The following KIAA0232 variants were observed in gnomAD, a reference collection of about 807,000 sequenced individuals.
The protein encoded by KIAA0232 is KIAA0232, also known as uncharacterized protein KIAA0232.
In KIAA0232, 27 loss-of-function variants were observed where a neutral mutation model predicts 122.0. The observed-to-expected ratio is 0.22, with a 90% CI of 0.16 to 0.31. The LOEUF is 0.31. Among genes scored for constraint, KIAA0232 ranks in the 10% least tolerant of loss-of-function variants. The pLI is 1.00. For missense variants in KIAA0232, 1,551 were observed against 1,634.2 expected (o/e 0.95, Z 0.88); for synonymous variants, 613 against 587.6 (o/e 1.04, Z -0.63).
At chr4:6,785,796 A>G (rs1365459503) in intron 1 of KIAA0232, among the ~76,000 whole-genome samples, 1 of 152,174 alleles carries the variant, frequency 6.6e-6, no homozygotes, top group African/African-American at 2.4e-5. Context: ...GCCCCCAGTC[A>G]TCTCTGTACT....
At chr4:6,834,462 A>C (rs763663286) in intron 3 of KIAA0232, among the ~76,000 whole-genome samples, 9 of 152,194 alleles carry the variant, frequency 5.9e-5, no homozygotes, top group Non-Finnish European at 2.9e-5. Flanking sequence ...TTTCCTATTA[A>C]CTACTCCTCT....
chr4:6,876,245 G>C (rs1246449270), intron 8 of KIAA0232, among the ~76,000 whole-genome samples: 1 of 152,138 alleles, frequency 6.6e-6, no homozygotes, highest in Non-Finnish European at 1.5e-5. Flanking sequence ...TTGTTCCTCT[G>C]TCCTATGAAC....
chr4:6,861,322 A>G lies in KIAA0232; in HGVS notation c.940A>G (p.Lys314Glu). 2 of 1,614,162 alleles carry G rather than the reference A, an allele frequency of 1.2e-6. No homozygotes were observed. The highest frequency in any genetic ancestry group is 1.7e-6 in the Non-Finnish European group (2 of 1,180,030). ...GELKASMKYV[K>E]VRHKAREIRN... Reference sequence around the variant, plus strand: ...ATTAAAAGCATCCATGAAGTATGTTAAAGTAAGACACAAGGCACGAGAGAT... The same window carrying G: ...ATTAAAAGCATCCATGAAGTATGTTGAAGTAAGACACAAGGCACGAGAGAT... Residue 314 changes from lysine (K) to glutamate (E), a missense_variant, in exon 7 of 10, where the codon AAA becomes GAA. Physicochemically the swap from Lys to Glu is moderately conservative, Grantham distance 56. Around this residue, in one of 5 missense-constraint regions of KIAA0232, gnomAD observed 377 missense variants for 381.7 expected, o/e 0.99. Transcript: ENST00000307659.
intron 2 of KIAA0232, among the ~76,000 whole-genome samples, chr4:6,808,245 C>T (rs183790311): frequency 2.4e-4 from 36 of 151,782 alleles, no homozygotes; most frequent in Middle Eastern, 3.4e-3. Context: ...ATGCTCTTTT[C>T]TATATTCTTT....
chr4:6,866,168 A>G (rs886602112), intron 7 of KIAA0232: 1 of 922,208 alleles, frequency 1.1e-6, no homozygotes, highest in Non-Finnish European at 1.3e-6. Flanking sequence ...TCCTTTATGT[A>G]CTTTGTATTT....
Position 6,861,766 on chromosome 4 carries a change from G to A in KIAA0232, c.1384G>A (p.Ala462Thr). The change falls in exon 7 of 10, where the codon GCA becomes ACA. Residue 462 changes from alanine (A) to threonine (T), a missense_variant. Ala to Thr is a moderately conservative substitution (Grantham distance 58). Coordinates refer to ENST00000307659, the MANE Select transcript of KIAA0232 (RefSeq NM_014743.3). ...TAATCTTCATAAAACATACCTCGCA[G>A]CAGGTACTTTCATTGATGGTCATTT... The part of the protein sequence containing the change: ...NNNLHKTYLA[A>T]GTFIDGHFVE... 6.2e-7 allele frequency: 1 copy of A among 1,614,164 alleles called. No homozygotes were observed. Among genetic ancestry groups the A allele is most frequent in the South Asian group, 1.1e-5 (1 of 91,080 alleles).
intron 3 of KIAA0232, among the ~76,000 whole-genome samples, chr4:6,834,075 A>G (rs1016043499): frequency 6.6e-6 from 1 of 151,874 alleles, no homozygotes; most frequent in Non-Finnish European, 1.5e-5. Flanking sequence ...TCTGTGCCTG[A>G]CTCTCCATTT....
At chr4:6,871,540 T>G (rs1380916930) in intron 7 of KIAA0232, 34 bp from the exon 8 acceptor site, 5 of 1,249,876 alleles carry the variant, frequency 4.0e-6, no homozygotes, top group Non-Finnish European at 5.8e-6. Context: ...TGAAAGTTTA[T>G]AAACTTTTTC....
intron 3 of KIAA0232, among the ~76,000 whole-genome samples, chr4:6,829,363 A>T (rs941622894): frequency 6.6e-6 from 1 of 152,162 alleles, no homozygotes; most frequent in Non-Finnish European, 1.5e-5. Context: ...GGAGACTTTG[A>T]TACTTTTACC....
chr4:6,831,183 G>C (rs377187292), intron 3 of KIAA0232, among the ~76,000 whole-genome samples: 3 of 152,090 alleles, frequency 2.0e-5, no homozygotes, highest in Non-Finnish European at 4.4e-5. Context: ...AGCCTCCCAA[G>C]TAGCTGGGAT....
chr4:6,815,954 ACT>A (rs553374492), intron 2 of KIAA0232, among the ~76,000 whole-genome samples: 158 of 152,266 alleles, frequency 1.0e-3, no homozygotes, highest in African/African-American at 3.4e-3. Flanking sequence ...ATAAATGTGA[ACT>A]CTCTATCGAC....
intron 1 of KIAA0232, among the ~76,000 whole-genome samples, chr4:6,795,065 C>T (rs1488046496): frequency 6.7e-6 from 1 of 148,168 alleles, no homozygotes; most frequent in Admixed American, 6.6e-5. Flanking sequence ...CCACAAGCCA[C>T]ATGTTTTGTT....
rs1356510758 is a variant in KIAA0232 at position 6,863,434 on chromosome 4, C to A, written c.3052C>A (p.His1018Asn). ...GLNKGFSFIFHEDLLGACGNF... is the reference protein window; with the variant it reads ...GLNKGFSFIFNEDLLGACGNF... ...AAATAAGGGATTTTCTTTTATCTTC[C>A]ATGAAGACTTACTAGGAGCTTGTGG... Residue 1018 changes from histidine (H) to asparagine (N), a missense_variant, in exon 7 of 10, where the codon CAT (histidine) becomes AAT (asparagine). Transcript: ENST00000307659. The A allele has an allele frequency of 6.2e-7, 1 of 1,614,062 alleles. No homozygotes were observed. The highest frequency in any genetic ancestry group is 1.1e-5 in the South Asian group (1 of 91,066).
intron 6 of KIAA0232, among the ~76,000 whole-genome samples, chr4:6,860,330 A>C (rs1178587525): frequency 6.6e-6 from 1 of 152,244 alleles, no homozygotes; most frequent in Admixed American, 6.5e-5. Flanking sequence ...TCACACAGCT[A>C]GTAAAGCAGG....
rs765924038 is a variant in KIAA0232 at position 6,861,426 on chromosome 4, T to C, written c.1044T>C (p.Thr348=). The C allele has an allele frequency of 8.1e-6, 13 of 1,614,162 alleles. No homozygotes were observed. The South Asian group carries it at 1.3e-4, about 16-fold the overall frequency. ...HGEKAERNIH[T]GSSSSSSSGS... ...AAAAGGCTGAAAGGAACATTCATAC[T>C]GGAAGTAGTAGCAGTAGCAGCAGTG... Residue 348 remains threonine, a synonymous_variant, in exon 7 of 10, where the codon ACT becomes ACC. Transcript: ENST00000307659.
chr4:6,785,113 A>G (rs890296933), intron 1 of KIAA0232, among the ~76,000 whole-genome samples: 4 of 152,000 alleles, frequency 2.6e-5, no homozygotes, highest in Admixed American at 2.6e-4. Context: ...AATTTTTTGC[A>G]TTTTTAGTAG....
intron 1 of KIAA0232, among the ~76,000 whole-genome samples, chr4:6,786,010 A>G (rs1193958082): frequency 1.3e-5 from 2 of 152,210 alleles, no homozygotes; most frequent in African/African-American, 4.8e-5. Flanking sequence ...TGGAAGTCCT[A>G]TTACAATGAA....
At chr4:6,827,630 G>C (rs906817898) in intron 3 of KIAA0232, among the ~76,000 whole-genome samples, 1 of 152,220 alleles carries the variant, frequency 6.6e-6, no homozygotes, top group African/African-American at 2.4e-5. Context: ...CAAACACGCA[G>C]TGCTCTTGAG....
At chr4:6,839,525 C>T (rs941981986) in intron 3 of KIAA0232, among the ~76,000 whole-genome samples, 1 of 152,202 alleles carries the variant, frequency 6.6e-6, no homozygotes, top group African/African-American at 2.4e-5. Context: ...GGGATGGTCC[C>T]TGAGTGACAA....
Sources: gnomAD v4.1 joint callset for allele counts (sites outside exome capture counted in the v4.1 genomes callset) on GRCh38, gnomAD v4.1.1 for gene constraint, gnomAD v4.1.1 regional missense constraint, MANE v1.5 for transcripts, NCBI Gene and HGNC (gene_info 2026-07-23, HGNC 2026-07-21) for gene names.